CD72: variants seen among roughly 807,000 people sequenced by gnomAD.
CD72 encodes the protein B-cell differentiation antigen CD72.
Under a neutral mutation model 50.7 loss-of-function variants are expected in CD72, and 28 were observed. That is an observed-to-expected ratio of 0.55 (90% CI 0.41 to 0.76). The LOEUF is 0.76. Ranked by LOEUF, CD72 falls within the 30% of genes least tolerant of loss-of-function variation. The pLI is 0.00. For missense variants in CD72, 403 were observed against 420.6 expected, an observed-to-expected ratio of 0.96 and a Z score of 0.37; for synonymous variants, 176 against 171.2, an observed-to-expected ratio of 1.03 and a Z score of -0.22.
At chr9:35,628,330 C>T (rs900896344) in intron 1 of CD72, among the ~76,000 whole-genome samples, 7 of 152,210 alleles carry the variant, frequency 4.6e-5, no homozygotes, top group East Asian at 1.9e-4. Context: ...TGGTGGCTCA[C>T]GCCTGTAATC....
chr9:35,616,562 G>A (rs754742640), intron 4 of CD72, 38 bp downstream of exon 4: 22 of 1,516,970 alleles, frequency 1.5e-5, no homozygotes, highest in African/African-American at 6.8e-5. Flanking sequence ...GACGAAAGTC[G>A]TTCGGTGTAA....
rs369607583 is a variant in CD72, at chr9:35,615,952, C to T, written c.679G>A (p.Gly227Ser). Residue 227 changes from glycine to serine, a missense_variant, in exon 5 of 9, where the codon GGC becomes AGC. By Grantham distance (56) the Gly-to-Ser change is moderately conservative. Transcript: ENST00000259633. ...TCCCCAGAGCGGATACCTGCTGAGCCGCATGTGAAGAAGGGCTTCAGTCTG... is the reference window on the plus strand; with the variant it reads ...TCCCCAGAGCGGATACCTGCTGAGCTGCATGTGAAGAAGGGCTTCAGTCTG... Reference protein sequence around the residue: ...ENRLKPFFTCGSADTCCPSGW... With the variant: ...ENRLKPFFTCSSADTCCPSGW... 2.9e-5 allele frequency: 47 copies of T among 1,612,676 alleles called. No individual in the cohort carries two copies. Among genetic ancestry groups the T allele is most frequent in the African/African-American group, 4.0e-5 (3 of 74,722 alleles).
chr9:35,615,308 C>T (rs998403906), intron 5 of CD72, among the ~76,000 whole-genome samples: 4 of 152,190 alleles, frequency 2.6e-5, no homozygotes, highest in East Asian at 1.9e-4. Flanking sequence ...TCCCCTTAGG[C>T]GTGGCACCTT....
In CD72 at chr9:35,610,031, C is replaced by G. The variant is rs1274742843; in HGVS notation, c.*292G>C. The G allele has an allele frequency of 1.3e-5, 5 of 384,156 alleles. No individual in the cohort carries two copies. The East Asian group carries it at 2.3e-4, about 18-fold the overall frequency. 23.8% of individuals were successfully genotyped at this position (384,156 alleles called of 1,614,324 possible). On this transcript the variant is annotated 3_prime_UTR_variant, in exon 9 of 9. Transcript: ENST00000259633. Reference sequence around the variant, plus strand: ...CTGCCTGGCTGGCTCCGGGCCGCCCCTATCCGCTCAGCCCGTGCGCCCTCC... The same window carrying G: ...CTGCCTGGCTGGCTCCGGGCCGCCCGTATCCGCTCAGCCCGTGCGCCCTCC...
chr9:35,610,530 TGCTCTG>T, intron 8 of CD72, 66 bp downstream of exon 8: 1 of 246,728 alleles, frequency 4.1e-6, no homozygotes, highest in Non-Finnish European at 5.5e-6. Context: ...CCTGGGCCCC[TGCTCTG>T]AGTCCCTGCT....
intron 7 of CD72, among the ~76,000 whole-genome samples, chr9:35,611,044 C>G (rs554688435): frequency 1.2e-4 from 19 of 152,212 alleles, no homozygotes; most frequent in South Asian, 1.0e-3. Context: ...AAGGTCAGGA[C>G]ATCGAGACCA....
chr9:35,644,350 C>CAAAAA (rs74176726), intron 1 of CD72, among the ~76,000 whole-genome samples: 58 of 68,176 alleles, frequency 8.5e-4, no homozygotes, highest in African/African-American at 1.8e-3. Context: ...AACTCTGTCT[C>CAAAAA]AAAAAAAAAA....
At chr9:35,638,149 G>A (rs1563900345) in intron 1 of CD72, among the ~76,000 whole-genome samples, 2 of 152,038 alleles carry the variant, frequency 1.3e-5, no homozygotes, top group African/African-American at 2.4e-5. Flanking sequence ...CCGTACATCC[G>A]GGCGTCTTTC....
chr9:35,618,411 T>G lies in CD72; in HGVS notation c.-108A>C. 1 of 1,561,374 alleles carries G rather than the reference T, an allele frequency of 6.4e-7. No homozygotes were observed. Among genetic ancestry groups the G allele is most frequent in the Admixed American group, 1.9e-5 (1 of 52,570 alleles). On this transcript the variant is annotated 5_prime_UTR_variant, in exon 1 of 9. Transcript: ENST00000259633. The stretch of plus-strand genomic sequence containing the variant: ...CTAGGCTCTGTGTTCCCTCTGTGAC[T>G]GCACGGCTTAGCAATTGGCCCTGTG...
rs765475476 is a variant in CD72, at chr9:35,615,995, C to T, written c.636G>A (p.Lys212=). ...TCAGTCTGTTCTCCATGTTGCTCAG[C>T]TTCTGCTCCAAGGCCCTCCTCTGTT... ...EEQQRRALEQ[K]LSNMENRLKP... The change falls in exon 5 of 9, where the codon AAG becomes AAA. Residue 212 remains lysine (K), a synonymous_variant. Transcript: ENST00000259633. The T allele has an allele frequency of 2.5e-6, 4 of 1,614,086 alleles. No homozygotes were observed. The highest frequency in any genetic ancestry group is 1.7e-5 in the Admixed American group (1 of 60,018).
chr9:35,623,581 G>A (rs1009669477), upstream of CD72, among the ~76,000 whole-genome samples: 1 of 152,010 alleles, frequency 6.6e-6, no homozygotes, highest in Non-Finnish European at 1.5e-5. Context: ...CCCAGAAATT[G>A]TGTCTTGTGA....
chr9:35,645,296 G>T (rs1320532651), intron 1 of CD72, among the ~76,000 whole-genome samples: 1 of 151,428 alleles, frequency 6.6e-6, no homozygotes, highest in Non-Finnish European at 1.5e-5. Flanking sequence ...GGTTTCAAAT[G>T]AAGTCATTAA....
At chr9:35,611,968 A>G (rs1432954566) in intron 6 of CD72, 49 bp from the exon 7 acceptor site, 2 of 1,025,128 alleles carry the variant, frequency 2.0e-6, no homozygotes, top group East Asian at 2.4e-5. Context: ...GTGATGAGAA[A>G]TATGGAAGAA....
At chr9:35,614,641 T>C (rs1237142532) in intron 5 of CD72, among the ~76,000 whole-genome samples, 1 of 152,136 alleles carries the variant, frequency 6.6e-6, no homozygotes, top group Non-Finnish European at 1.5e-5. Context: ...ATGCTGACCA[T>C]GGGCAGTTGG....
At chr9:35,641,126 G>A (rs531598596) in intron 1 of CD72, among the ~76,000 whole-genome samples, 7 of 152,142 alleles carry the variant, frequency 4.6e-5, no homozygotes, top group Admixed American at 1.3e-4. Context: ...GCTGATGACC[G>A]CTGTAACTGC....
At chr9:35,629,775 C>A (rs1471587318) in intron 1 of CD72, among the ~76,000 whole-genome samples, 2 of 152,222 alleles carry the variant, frequency 1.3e-5, no homozygotes, top group African/African-American at 4.8e-5. Context: ...ACCCACCATG[C>A]TCTGCTGCTA....
chr9:35,630,669 G>C (rs1275061463), intron 1 of CD72, among the ~76,000 whole-genome samples: 2 of 152,102 alleles, frequency 1.3e-5, no homozygotes, highest in African/African-American at 4.8e-5. Context: ...AAACTGCCAG[G>C]GTTCAAATCC....
intron 1 of CD72, among the ~76,000 whole-genome samples, chr9:35,629,839 T>C (rs891173782): frequency 4.6e-5 from 7 of 152,208 alleles, no homozygotes; most frequent in African/African-American, 1.7e-4. Context: ...TAGCACTCAG[T>C]AAGGAGAGCT....
chr9:35,628,769 G>C (rs1034745699), intron 1 of CD72, among the ~76,000 whole-genome samples: 1 of 152,376 alleles, frequency 6.6e-6, no homozygotes, highest in African/African-American at 2.4e-5. Flanking sequence ...ACCTCACCCT[G>C]GGAGTGGGAG....
Sources: gnomAD v4.1 joint callset for allele counts (sites outside exome capture counted in the v4.1 genomes callset) on GRCh38, gnomAD v4.1.1 for gene constraint, MANE v1.5 for transcripts, NCBI Gene and HGNC (gene_info 2026-07-23, HGNC 2026-07-21) for gene names.